RAB27B: variants seen among roughly 807,000 people sequenced by gnomAD.
RAB27B encodes ras-related protein Rab-27B.
RAB27B carries 15 observed loss-of-function variants against 24.6 expected under a neutral mutation model. The observed-to-expected ratio is 0.61, with a 90% CI of 0.41 to 0.94. RAB27B has a LOEUF of 0.94. Ranked by LOEUF, RAB27B falls within the 40% of genes least tolerant of loss-of-function variation. The probability of loss-of-function intolerance (pLI) is 0.00; values close to 1 mark genes in which losing one functional copy is unlikely to be tolerated. For synonymous variants in RAB27B, 105 were observed against 92.5 expected (o/e 1.14, Z -0.78); for missense variants, 261 against 266.8 (o/e 0.98, Z 0.15).
rs1462583022 is a variant in RAB27B, at chr18:54,887,873, A to T, written c.344-122A>T. On this transcript the variant is annotated intron_variant, in intron 4 of 5. Coordinates refer to ENST00000262094, the MANE Select transcript of RAB27B (RefSeq NM_004163.4). ...CTGGGAAGAGGAAGTAACTTGGCCA[A>T]TATAACTAGTAAGCAACCAAACTGG... The T allele has an allele frequency of 3.4e-6, 4 of 1,189,962 alleles. No individual in the cohort carries two copies. In the South Asian group the frequency reaches 4.7e-5, roughly 14 times the overall value. The allele number at this position is 1,189,962 out of a possible 1,614,324, so 73.7% of individuals were successfully genotyped here.
intron 1 of RAB27B, among the ~76,000 whole-genome samples, chr18:54,867,478 G>T (rs1222715738): frequency 8.2e-6 from 1 of 122,432 alleles, no homozygotes; most frequent in African/African-American, 3.1e-5. Context: ...ATGGAGTCTC[G>T]CTCTGTTGCC....
rs543711683 is a variant in RAB27B at position 54,739,552 on chromosome 18, C to CT, written c.-20+21423dup. The stretch of plus-strand genomic sequence containing the variant: ...AAATTCTTTCTTTCTTTTTTTCTTT[C>CT]TTTTTTTTTTTTGCTGCTATGAATA... On this transcript the variant is annotated intron_variant, in intron 2 of 4. Transcript: ENST00000586570. Among the ~76,000 whole-genome samples the CT allele has an allele frequency of 9.5e-3, 1,282 of 134,884 alleles. 13 individuals carry two copies. Among genetic ancestry groups the CT allele is most frequent in the African/African-American group, 0.028 (1,014 of 36,484 alleles). The allele number at this position is 134,884 out of a possible 152,430, so 88.5% of individuals were successfully genotyped here. A position where few individuals can be genotyped will look rare whatever the true frequency, so the allele number is the denominator to read the frequency against.
At chr18:54,755,896 A>G (rs1239354292) in intron 2 of RAB27B, among the ~76,000 whole-genome samples, 1 of 152,210 alleles carries the variant, frequency 6.6e-6, no homozygotes, top group Admixed American at 6.5e-5. Context: ...CATAGAAAGC[A>G]AATACCAGCG....
chr18:54,740,234 T>G (rs1910031595), intron 2 of RAB27B, among the ~76,000 whole-genome samples: 1 of 152,194 alleles, frequency 6.6e-6, no homozygotes, highest in African/African-American at 2.4e-5. Context: ...TAAGAATGAT[T>G]ATTTCTTATA....
chr18:54,807,377 T>C (rs963198446), intron 2 of RAB27B, among the ~76,000 whole-genome samples: 1 of 152,204 alleles, frequency 6.6e-6, no homozygotes, highest in Non-Finnish European at 1.5e-5. Flanking sequence ...AAACCTTTCC[T>C]TGAGGGTTCA....
At chr18:54,823,327 G>A (rs1375745062) in intron 2 of RAB27B, among the ~76,000 whole-genome samples, 5 of 152,212 alleles carry the variant, frequency 3.3e-5, no homozygotes, top group Non-Finnish European at 2.9e-5. Flanking sequence ...ATCAGCAGGA[G>A]GTAGGGGCAC....
chr18:54,732,027 A>C (rs1291479090), intron 2 of RAB27B, among the ~76,000 whole-genome samples: 1 of 152,226 alleles, frequency 6.6e-6, no homozygotes, highest in Non-Finnish European at 1.5e-5. Context: ...AGTATAAAAA[A>C]GGTGGGAAGA....
At position 54,889,928 on chromosome 18, in the gene RAB27B, A is replaced by G. The variant is rs1451164589; in HGVS notation, c.*515A>G. On this transcript the variant is annotated 3_prime_UTR_variant, in exon 6 of 6. Coordinates refer to ENST00000262094, the MANE Select transcript of RAB27B (RefSeq NM_004163.4). ...TTTGGCTAATTAAGAATGATATACTATGTACACCCAATAAGCTGTACTAGA... is the reference window on the plus strand; with the variant it reads ...TTTGGCTAATTAAGAATGATATACTGTGTACACCCAATAAGCTGTACTAGA... 6.5e-6 allele frequency: 1 copy of G among 152,674 alleles called. No individual in the cohort carries two copies. The highest frequency in any genetic ancestry group is 1.5e-5 in the Non-Finnish European group (1 of 68,420). The allele number at this position is 152,674 out of a possible 1,614,324, so 9.5% of individuals were successfully genotyped here.
At chr18:54,811,006 G>A (rs1909946324) in intron 2 of RAB27B, among the ~76,000 whole-genome samples, 1 of 151,824 alleles carries the variant, frequency 6.6e-6, no homozygotes, top group Non-Finnish European at 1.5e-5. Context: ...ATTATTATTG[G>A]TTCTCGATAA....
chr18:54,783,590 A>G (rs1389329059), intron 2 of RAB27B, among the ~76,000 whole-genome samples: 1 of 152,038 alleles, frequency 6.6e-6, no homozygotes, highest in African/African-American at 2.4e-5. Context: ...AATATTACAT[A>G]TGATTGTAAC....
rs185913278 is a variant in RAB27B, at chr18:54,859,406, C to T, written c.-19-18161C>T. Among the ~76,000 whole-genome samples the T allele has an allele frequency of 5.7e-4, 86 of 152,014 alleles. No homozygotes were observed. In the South Asian group the frequency reaches 8.5e-3, roughly 15 times the overall value. On this transcript the variant is annotated intron_variant, in intron 1 of 5. Coordinates refer to ENST00000262094, the MANE Select transcript of RAB27B (RefSeq NM_004163.4). ...TATAATGCAAAATTCTAAGTAGCAA[C>T]CTTTTTATAAGTGTAATTTCATCAA...
intron 2 of RAB27B, among the ~76,000 whole-genome samples, chr18:54,786,007 T>G (rs1238833944): frequency 3.9e-5 from 6 of 152,244 alleles, no homozygotes; most frequent in Non-Finnish European, 8.8e-5. Context: ...AACCACATTC[T>G]CTTTCCATGC....
chr18:54,884,765 T>C (rs1179118052), intron 4 of RAB27B, among the ~76,000 whole-genome samples: 2 of 152,186 alleles, frequency 1.3e-5, no homozygotes, highest in Admixed American at 1.3e-4. Context: ...TTGAAGGACT[T>C]CTTAAAACTA....
intron 2 of RAB27B, among the ~76,000 whole-genome samples, chr18:54,800,778 A>C (rs1220866250): frequency 1.3e-5 from 2 of 151,910 alleles, no homozygotes; most frequent in African/African-American, 4.8e-5. Flanking sequence ...TTTCCATTGT[A>C]GTCATTTTCT....
At chr18:54,751,193 T>G (rs73959275) in intron 2 of RAB27B, among the ~76,000 whole-genome samples, 9,698 of 152,086 alleles carry the variant, frequency 0.064, 397 homozygotes, top group African/African-American at 0.091. Context: ...GTAGTTCATA[T>G]GAGAGGGGAG....
chr18:54,821,449 T>C (rs1358945109), intron 2 of RAB27B, among the ~76,000 whole-genome samples: 37 of 152,086 alleles, frequency 2.4e-4, no homozygotes, highest in Non-Finnish European at 1.5e-5. Context: ...ATCGTGAAAA[T>C]GGCCATACTG....
chr18:54,820,921 G>T (rs1910289669), intron 2 of RAB27B, among the ~76,000 whole-genome samples: 1 of 152,118 alleles, frequency 6.6e-6, no homozygotes, highest in Non-Finnish European at 1.5e-5. Context: ...AAGATCAGAT[G>T]GTTGTAGATA....
intron 1 of RAB27B, among the ~76,000 whole-genome samples, chr18:54,833,533 C>A (rs941925193): frequency 2.0e-5 from 3 of 152,114 alleles, no homozygotes; most frequent in African/African-American, 7.2e-5. Context: ...GGCCATGAAT[C>A]CCTCTTCTTT....
intron 2 of RAB27B, among the ~76,000 whole-genome samples, chr18:54,813,714 A>G (rs1420167254): frequency 6.6e-6 from 1 of 152,234 alleles, no homozygotes; most frequent in Non-Finnish European, 1.5e-5. Context: ...AGTCTCTGGT[A>G]TTCGTTTACA....
Sources: allele counts gnomAD v4.1 joint callset (sites outside exome capture counted in the v4.1 genomes callset), GRCh38; gene constraint gnomAD v4.1.1; transcripts MANE v1.5; gene names NCBI Gene and HGNC (gene_info 2026-07-23, HGNC 2026-07-21).